The following NCAM2 variants were observed in gnomAD, a reference collection of about 807,000 sequenced individuals.
NCAM2 encodes N-CAM-2.
NCAM2 carries 30 observed loss-of-function variants against 98.1 expected under a neutral mutation model. The observed-to-expected ratio is 0.31, with a 90% CI of 0.23 to 0.41. The LOEUF is 0.41. Among genes scored for constraint, NCAM2 ranks in the 10% least tolerant of loss-of-function variants. The pLI, the probability that NCAM2 is intolerant of heterozygous loss-of-function variation, is 1.00. For missense variants in NCAM2, 867 were observed against 1,005.8 expected (o/e 0.86, Z 1.87); for synonymous variants, 368 against 342.4 (o/e 1.07, Z -0.83).
At chr21:21,390,178 T>C (rs1244185079) in intron 9 of NCAM2, among the ~76,000 whole-genome samples, 1 of 152,146 alleles carries the variant, frequency 6.6e-6, no homozygotes, top group Non-Finnish European at 1.5e-5. Context: ...TGACTACGTG[T>C]TGAAATTATA....
chr21:21,377,958 T>G (rs2076069774), intron 9 of NCAM2, among the ~76,000 whole-genome samples: 2 of 151,980 alleles, frequency 1.3e-5, no homozygotes, highest in African/African-American at 4.8e-5. Flanking sequence ...GTTTGGCTTA[T>G]TTAACTGAAC....
chr21:21,143,109 A>G (rs1043761384), intron 1 of NCAM2, among the ~76,000 whole-genome samples: 1 of 152,192 alleles, frequency 6.6e-6, no homozygotes, highest in Non-Finnish European at 1.5e-5. Flanking sequence ...ATACCAAGTT[A>G]CTGTTCATCG....
intron 1 of NCAM2, among the ~76,000 whole-genome samples, chr21:21,263,792 C>T (rs541839041): frequency 9.5e-4 from 145 of 152,058 alleles, no homozygotes; most frequent in Non-Finnish European, 1.6e-3. Flanking sequence ...GCTGAGTAAA[C>T]AGGCTAAACG....
chr21:21,450,829 C>CACAT (rs1304305283), intron 12 of NCAM2, among the ~76,000 whole-genome samples: 1 of 130,858 alleles, frequency 7.6e-6, no homozygotes, highest in Non-Finnish European at 1.7e-5. Context: ...CACACACACA[C>CACAT]ACACATATCT....
At chr21:21,413,986 A>G (rs1340802019) in intron 10 of NCAM2, among the ~76,000 whole-genome samples, 4 of 152,180 alleles carry the variant, frequency 2.6e-5, no homozygotes, top group Admixed American at 1.3e-4. Flanking sequence ...AAATCCTCTC[A>G]AACCCTGTCA....
intron 9 of NCAM2, among the ~76,000 whole-genome samples, chr21:21,387,241 C>T (rs1418353305): frequency 6.6e-6 from 1 of 151,092 alleles, no homozygotes; most frequent in Non-Finnish European, 1.5e-5. Context: ...GTGTCCCTTT[C>T]TCTTTTTATA....
intron 6 of NCAM2, among the ~76,000 whole-genome samples, chr21:21,330,310 C>T (rs1398180202): frequency 1.3e-5 from 2 of 151,990 alleles, no homozygotes; most frequent in African/African-American, 4.8e-5. Flanking sequence ...TGTAATTGCA[C>T]CCTGCTAATT....
chr21:21,010,554 G>T (rs1443883911), intron 1 of NCAM2, among the ~76,000 whole-genome samples: 1 of 151,974 alleles, frequency 6.6e-6, no homozygotes, highest in Non-Finnish European at 1.5e-5. Flanking sequence ...TTAATACAGC[G>T]ATTGTTTGAT....
chr21:21,180,484 T>G (rs1170549076), intron 1 of NCAM2, among the ~76,000 whole-genome samples: 1 of 152,150 alleles, frequency 6.6e-6, no homozygotes, highest in African/African-American at 2.4e-5. Context: ...TTTGTTGAGT[T>G]TGTGAGATGA....
intron 1 of NCAM2, among the ~76,000 whole-genome samples, chr21:21,268,993 C>G (rs1188945086): frequency 6.6e-6 from 1 of 152,142 alleles, no homozygotes; most frequent in Non-Finnish European, 1.5e-5. Context: ...GACTAGAGAT[C>G]CTGGAGACAC....
intron 8 of NCAM2, among the ~76,000 whole-genome samples, chr21:21,360,817 T>C (rs1303676496): frequency 1.3e-5 from 2 of 152,048 alleles, no homozygotes. Flanking sequence ...AAGTGGTCTG[T>C]ATTTAAAATT....
At chr21:21,509,204 T>C in intron 16 of NCAM2, 149 bp downstream of exon 16, 1 of 662,886 alleles carries the variant, frequency 1.5e-6, no homozygotes, top group Non-Finnish European at 2.5e-6. Context: ...TCTCTGACCT[T>C]GAAACTATGT....
At chr21:21,484,649 A>C (rs923172659) in intron 15 of NCAM2, among the ~76,000 whole-genome samples, 3 of 152,154 alleles carry the variant, frequency 2.0e-5, no homozygotes, top group African/African-American at 7.2e-5. Flanking sequence ...AAATTATAAT[A>C]AAATATTTCC....
intron 8 of NCAM2, among the ~76,000 whole-genome samples, chr21:21,357,677 T>A (rs2075528401): frequency 1.3e-5 from 2 of 152,248 alleles, no homozygotes; most frequent in South Asian, 4.1e-4. Flanking sequence ...TTTTTACAAC[T>A]TTATTTTTAT....
intron 1 of NCAM2, among the ~76,000 whole-genome samples, chr21:21,261,353 ATATC>A (rs1177028767): frequency 6.6e-6 from 1 of 152,168 alleles, no homozygotes; most frequent in Non-Finnish European, 1.5e-5. Context: ...TACCTAATAG[ATATC>A]TACAAAACAT....
At chr21:21,058,214 A>G (rs2065252743) in intron 1 of NCAM2, among the ~76,000 whole-genome samples, 1 of 37,492 alleles carries the variant, frequency 2.7e-5, no homozygotes, top group Admixed American at 4.4e-4. Flanking sequence ...GGCAAAGAAA[A>G]AAAACAAGAT....
chr21:21,305,710 G>T (rs1293497805), intron 5 of NCAM2, among the ~76,000 whole-genome samples: 1 of 151,926 alleles, frequency 6.6e-6, no homozygotes, highest in African/African-American at 2.4e-5. Flanking sequence ...GGTTTTTCTT[G>T]ATTTTATATT....
rs778376789 is a variant in NCAM2, at chr21:21,410,430, C to A, written c.1352C>A (p.Thr451Asn). 1.3e-6 allele frequency: 2 copies of A among 1,575,676 alleles called. No individual in the cohort carries two copies. Among genetic ancestry groups the A allele is most frequent in the South Asian group, 1.2e-5 (1 of 84,494 alleles). Residue 451 changes from threonine (T) to asparagine (N), a missense_variant, in exon 10 of 18, where the codon ACT becomes AAT. By Grantham distance (65) the Thr-to-Asn change is moderately conservative (BLOSUM62 0). Transcript: ENST00000400546. ...LPAKNTTNLK[T>N]YSTGRKMILE... is the part of the protein sequence containing the mutation. ...GCTAAAAACACGACCAATTTAAAGA[C>A]TTATAGTACAGGAAGAAAGATGATA...
chr21:21,213,031 C>T (rs114957906), intron 1 of NCAM2, among the ~76,000 whole-genome samples: 2,117 of 152,220 alleles, frequency 0.014, 57 homozygotes, highest in African/African-American at 0.048. Context: ...TGAGCCACCA[C>T]GCCTGACCTA....
Sources: allele counts gnomAD v4.1 joint callset (sites outside exome capture counted in the v4.1 genomes callset), GRCh38; gene constraint gnomAD v4.1.1; transcripts MANE v1.5; gene names NCBI Gene and HGNC (gene_info 2026-07-23, HGNC 2026-07-21).